Variants in CTBP2 observed in about 807,000 individuals in gnomAD.
CTBP2 encodes the protein C-terminal-binding protein 2.
Under a neutral mutation model 80.3 loss-of-function variants are expected in CTBP2, and 30 were observed. The observed-to-expected ratio is 0.37, with a 90% CI of 0.28 to 0.51. CTBP2 has a LOEUF of 0.51. CTBP2 is among the 20% of genes least tolerant of loss of function. The pLI, the probability that CTBP2 is intolerant of heterozygous loss-of-function variation, is 0.93. For synonymous variants in CTBP2, 594 were observed against 587.4 expected (o/e 1.01, Z -0.16); for missense variants, 1,212 against 1,375.3 (o/e 0.88, Z 1.88).
At chr10:125,049,568 G>A (rs1410661313) in intron 2 of CTBP2, among the ~76,000 whole-genome samples, 1 of 152,152 alleles carries the variant, frequency 6.6e-6, no homozygotes, top group African/African-American at 2.4e-5. Flanking sequence ...AGGTTCCTCT[G>A]TACAACCCAC....
intron 3 of CTBP2, among the ~76,000 whole-genome samples, chr10:125,037,072 T>TTCTCA (rs1958981161): frequency 1.3e-5 from 2 of 152,192 alleles, no homozygotes; most frequent in Non-Finnish European, 2.9e-5. Flanking sequence ...AAATTTAAAA[T>TTCTCA]ATATAACTGC....
chr10:125,084,284 G>A (rs1418265578), intron 2 of CTBP2, among the ~76,000 whole-genome samples: 1 of 152,226 alleles, frequency 6.6e-6, no homozygotes, highest in Non-Finnish European at 1.5e-5. Flanking sequence ...GCATCACAAA[G>A]GATGCCTTGA....
chr10:125,130,242 TTCA>T (rs761770313), intron 1 of CTBP2, among the ~76,000 whole-genome samples: 7 of 152,062 alleles, frequency 4.6e-5, no homozygotes, highest in Non-Finnish European at 1.0e-4. Context: ...CAGATGGGGT[TTCA>T]TCATATTGGT....
At chr10:125,090,793 A>T (rs188776088) in intron 2 of CTBP2, among the ~76,000 whole-genome samples, 1 of 152,174 alleles carries the variant, frequency 6.6e-6, no homozygotes, top group African/African-American at 2.4e-5. Context: ...AAACAAAACA[A>T]AACTGGGGAG....
intron 1 of CTBP2, among the ~76,000 whole-genome samples, chr10:125,159,172 A>C (rs2133542240): frequency 6.7e-6 from 1 of 149,740 alleles, no homozygotes; most frequent in African/African-American, 2.4e-5. Context: ...GAGGGCTGGG[A>C]GGAGGAGGAA....
Position 124,998,047 on chromosome 10 carries a change from C to A in CTBP2, c.2102G>T (p.Arg701Leu), listed in dbSNP as rs139566595. 1.1e-5 allele frequency: 17 copies of A among 1,613,316 alleles called. No homozygotes were observed. Among genetic ancestry groups the A allele is most frequent in the Non-Finnish European group, 1.0e-5 (12 of 1,179,984 alleles). ...GCGGATCTGCTCCACGCTCTGAACC[C>A]GCGTGCCTTCCCGCAGTGCCTGGTA... Residue 701 changes from arginine to leucine, a missense_variant, in exon 4 of 9, where the codon CGG becomes CTG. Around this residue, in one of 3 missense-constraint regions of CTBP2, gnomAD observed 335 missense variants for 504.7 expected, o/e 0.66. Coordinates refer to ENST00000309035, the MANE Select transcript of CTBP2 (RefSeq NM_022802.3).
intron 2 of CTBP2, among the ~76,000 whole-genome samples, chr10:125,073,087 G>C (rs996734764): frequency 6.6e-6 from 1 of 152,226 alleles, no homozygotes; most frequent in Non-Finnish European, 1.5e-5. Context: ...GCTCGCCCAA[G>C]TCTTCAGATG....
intron 1 of CTBP2, among the ~76,000 whole-genome samples, chr10:125,025,796 C>A (rs1036890979): frequency 6.6e-6 from 1 of 152,188 alleles, no homozygotes; most frequent in East Asian, 1.9e-4. Context: ...CCAAGAAACA[C>A]AGTTGAGTTT....
intron 8 of CTBP2, among the ~76,000 whole-genome samples, chr10:124,990,352 G>A (rs6597871): frequency 0.96 from 146,156 of 152,310 alleles, 70,244 homozygotes; most frequent in Non-Finnish European, 0.99. Flanking sequence ...CCTGGCTAAC[G>A]ATTTTTATGG....
At chr10:125,118,385 A>T (rs1190569727) in intron 1 of CTBP2, among the ~76,000 whole-genome samples, 1 of 152,220 alleles carries the variant, frequency 6.6e-6, no homozygotes, top group Non-Finnish European at 1.5e-5. Context: ...TCCTGGCAAC[A>T]ACTGGAGAAA....
rs753291707 is a variant in CTBP2 at position 125,027,760 on chromosome 10, T to TG, written c.-2dup. ...TTATATGCCTGCTGGGAACTGGCAT[T>TG]GGAAAAAAAATGACTGCGGATGAGG... On this transcript the variant is annotated 5_prime_UTR_variant, in exon 1 of 9. Transcript: ENST00000309035. The TG allele has an allele frequency of 6.4e-6, 10 of 1,568,132 alleles. No individual in the cohort carries two copies. In the East Asian group the frequency reaches 1.6e-4, roughly 25 times the overall value.
At position 125,096,490 on chromosome 10, in the gene CTBP2, C is replaced by T. The variant is rs192937765; in HGVS notation, c.-102+14500G>A. 1.0e-3 allele frequency among the ~76,000 whole-genome samples: 157 copies of T among 152,244 alleles called. 1 individual carries two copies. The highest frequency in any genetic ancestry group is 3.3e-3 in the African/African-American group (138 of 41,540). ...TCAGAAGTGGGACAACATCGCTACT[C>T]GACTAAACAGATGGCTAACCACAAC... On this transcript the variant is annotated intron_variant, in intron 2 of 10. Coordinates refer to the CTBP2 transcript ENST00000337195.
chr10:125,026,924 G>A lies in CTBP2; in HGVS notation c.836C>T (p.Thr279Ile), dbSNP rs1464751062. The change falls in exon 1 of 9, where the codon ACC becomes ATC. Residue 279 changes from threonine (T) to isoleucine (I), a missense_variant. Thr to Ile is a moderately conservative substitution (Grantham distance 89). Transcript: ENST00000309035. ...CCTCTTGCCACCAGGACCCTGGAAG[G>A]TGGACAGGTCAGCTTCGTAAGTCTC... The A allele has an allele frequency of 1.9e-6, 3 of 1,613,952 alleles. No individual in the cohort carries two copies. Among genetic ancestry groups the A allele is most frequent in the African/African-American group, 1.3e-5 (1 of 74,938 alleles).
chr10:125,098,760 G>GAC (rs1850121172), intron 2 of CTBP2, among the ~76,000 whole-genome samples: 40 of 127,950 alleles, frequency 3.1e-4, no homozygotes, highest in African/African-American at 9.6e-4. Context: ...CAGAGAGAGA[G>GAC]AGAGAGAGAG....
At chr10:125,041,579 C>T (rs1959825588) in intron 2 of CTBP2, among the ~76,000 whole-genome samples, 1 of 139,596 alleles carries the variant, frequency 7.2e-6, no homozygotes, top group South Asian at 2.2e-4. Context: ...TTGTCATTTG[C>T]TCAGGCGCAA....
At chr10:125,127,572 G>A (rs777646717) in intron 1 of CTBP2, among the ~76,000 whole-genome samples, 59 of 152,156 alleles carry the variant, frequency 3.9e-4, no homozygotes, top group Non-Finnish European at 5.6e-4. Flanking sequence ...ATCCCTAGAA[G>A]GACCCACATG....
upstream of CTBP2, among the ~76,000 whole-genome samples, chr10:125,029,661 G>A (rs965672654): frequency 6.6e-6 from 1 of 152,114 alleles, no homozygotes; most frequent in African/African-American, 2.4e-5. Flanking sequence ...CCCACTCATG[G>A]TGCATGCACA....
At chr10:125,039,913 T>C (rs990548307) in intron 2 of CTBP2, among the ~76,000 whole-genome samples, 1 of 152,098 alleles carries the variant, frequency 6.6e-6, no homozygotes, top group Non-Finnish European at 1.5e-5. Flanking sequence ...GTGAGGCTGA[T>C]GGAGGAGGCA....
chr10:124,995,520 G>A (rs1422894229), intron 4 of CTBP2, among the ~76,000 whole-genome samples: 1 of 152,224 alleles, frequency 6.6e-6, no homozygotes, highest in Non-Finnish European at 1.5e-5. Context: ...GCTCCAAGGT[G>A]CAGGCAGGAG....
Sources: gnomAD v4.1 joint callset for allele counts (sites outside exome capture counted in the v4.1 genomes callset) on GRCh38, gnomAD v4.1.1 for gene constraint, gnomAD v4.1.1 regional missense constraint, MANE v1.5 for transcripts, NCBI Gene and HGNC (gene_info 2026-07-23, HGNC 2026-07-21) for gene names.